ARHGAP10: variants seen among roughly 807,000 people sequenced by gnomAD.
ARHGAP10 encodes rho GTPase-activating protein 10.
ARHGAP10 carries 87 observed loss-of-function variants against 108.6 expected under a neutral mutation model. That is an observed-to-expected ratio of 0.80 (90% confidence interval 0.67 to 0.96). ARHGAP10 has a LOEUF of 0.96. Among genes scored for constraint, ARHGAP10 ranks in the 40% least tolerant of loss-of-function variants. ARHGAP10 has a pLI of 0.00. For missense variants in ARHGAP10, 939 were observed against 954.5 expected (o/e 0.98, Z 0.21); for synonymous variants, 347 against 341.1 (o/e 1.02, Z -0.19).
At position 147,955,290 on chromosome 4, in the gene ARHGAP10, A is replaced by G. The variant is rs531726386; in HGVS notation, c.1392-26A>G. 26 of 1,582,898 alleles carry G rather than the reference A, an allele frequency of 1.6e-5. No individual in the cohort carries two copies. In the Admixed American group the frequency reaches 1.6e-4, roughly 10 times the overall value. ...AGTGACTTGTTTGGATTTATTTGAT[A>G]ATTCTGAGCTGTTCTTTTCACACAG... is the stretch of plus-strand genomic sequence containing the variant. On this transcript the variant is annotated intron_variant, in intron 15 of 22. Transcript: ENST00000336498.
chr4:147,946,872 G>A (rs1024572167), intron 15 of ARHGAP10, among the ~76,000 whole-genome samples, 168 bp downstream of exon 15: 1 of 152,184 alleles, frequency 6.6e-6, no homozygotes, highest in Non-Finnish European at 1.5e-5. Flanking sequence ...ACTAGTAGAT[G>A]CACATCAGTA....
chr4:147,837,650 T>TTTTTTTTTGTTTTTTTG (rs1733229862), intron 3 of ARHGAP10, among the ~76,000 whole-genome samples: 1 of 112,006 alleles, frequency 8.9e-6, no homozygotes, highest in Non-Finnish European at 1.8e-5. Flanking sequence ...ACTGTTTTTT[T>TTTTTTTTTGTTTTTTTG]TTTTTTTTTT....
chr4:147,753,547 T>G (rs1729249996), intron 1 of ARHGAP10, among the ~76,000 whole-genome samples: 2 of 150,100 alleles, frequency 1.3e-5, no homozygotes, highest in South Asian at 4.2e-4. Context: ...GGAGATGGAG[T>G]TTCACCATGT....
chr4:147,767,998 G>A (rs1254318097), intron 1 of ARHGAP10, among the ~76,000 whole-genome samples: 11 of 152,360 alleles, frequency 7.2e-5, no homozygotes, highest in Admixed American at 2.6e-4. Flanking sequence ...CACCCATGGT[G>A]CAGTATAAGT....
intron 3 of ARHGAP10, among the ~76,000 whole-genome samples, chr4:147,828,633 C>T (rs866828414): frequency 1.3e-5 from 2 of 152,122 alleles, no homozygotes; most frequent in Non-Finnish European, 1.5e-5. Context: ...GAAGGATGAG[C>T]CTTAGCTATG....
chr4:148,013,545 G>A (rs1046620979), intron 18 of ARHGAP10, among the ~76,000 whole-genome samples: 2 of 152,022 alleles, frequency 1.3e-5, no homozygotes, highest in Non-Finnish European at 2.9e-5. Context: ...AAAATTAGCC[G>A]GGCATGGTGG....
intron 14 of ARHGAP10, among the ~76,000 whole-genome samples, chr4:147,943,644 A>T (rs1197365613): frequency 6.6e-6 from 1 of 152,206 alleles, no homozygotes; most frequent in East Asian, 1.9e-4. Flanking sequence ...GTTAGTTTAG[A>T]TTTTTAACAA....
At chr4:148,046,672 C>A (rs1159375849) in intron 19 of ARHGAP10, among the ~76,000 whole-genome samples, 1 of 151,898 alleles carries the variant, frequency 6.6e-6, no homozygotes, top group Non-Finnish European at 1.5e-5. Context: ...ATTGTGTTTT[C>A]TTGTAAGGAA....
chr4:147,871,608 G>A (rs138489394), intron 7 of ARHGAP10, among the ~76,000 whole-genome samples: 13 of 152,244 alleles, frequency 8.5e-5, no homozygotes, highest in East Asian at 7.7e-4. Context: ...GTGTCCTACC[G>A]TATAGATTAT....
chr4:147,960,257 G>A (rs1241377712), intron 16 of ARHGAP10, among the ~76,000 whole-genome samples: 2 of 151,910 alleles, frequency 1.3e-5, no homozygotes, highest in Non-Finnish European at 2.9e-5. Context: ...GATATAATAT[G>A]ATTTGGTTGT....
chr4:148,047,079 T>G, intron 20 of ARHGAP10, 28 bp downstream of exon 20: 1 of 1,611,190 alleles, frequency 6.2e-7, no homozygotes, highest in Non-Finnish European at 8.5e-7. Context: ...TGTTGGGTGC[T>G]GAAGGGTGGA....
chr4:147,941,398 A>T (rs1738159828), intron 14 of ARHGAP10, among the ~76,000 whole-genome samples: 1 of 152,182 alleles, frequency 6.6e-6, no homozygotes, highest in South Asian at 2.1e-4. Context: ...TGCTCTGCTC[A>T]TGGGAAATGT....
chr4:147,955,433 A>G, intron 16 of ARHGAP10, 59 bp downstream of exon 16: 2 of 1,424,244 alleles, frequency 1.4e-6, no homozygotes, highest in South Asian at 1.2e-5. Flanking sequence ...AGCATAAACG[A>G]AAAATTTCCA....
chr4:148,029,349 G>T (rs140111269), intron 19 of ARHGAP10, among the ~76,000 whole-genome samples: 3 of 152,140 alleles, frequency 2.0e-5, no homozygotes, highest in Admixed American at 6.6e-5. Context: ...TCACATTCAC[G>T]GCAGCGGTGC....
intron 14 of ARHGAP10, among the ~76,000 whole-genome samples, chr4:147,943,295 A>G (rs1418486652): frequency 6.6e-6 from 1 of 152,262 alleles, no homozygotes; most frequent in Admixed American, 6.5e-5. Flanking sequence ...ATTTTCACAC[A>G]TAAAACCACA....
intron 20 of ARHGAP10, among the ~76,000 whole-genome samples, chr4:148,056,546 C>T (rs1352452852): frequency 1.3e-5 from 2 of 152,004 alleles, no homozygotes; most frequent in Non-Finnish European, 2.9e-5. Context: ...CCCCTCTTCA[C>T]TTCCCGCCCC....
At chr4:147,795,216 G>T (rs534180237) in intron 1 of ARHGAP10, among the ~76,000 whole-genome samples, 4 of 152,302 alleles carry the variant, frequency 2.6e-5, no homozygotes, top group South Asian at 2.1e-4. Flanking sequence ...CTGCAGCGCT[G>T]GGATTACAGG....
At chr4:147,875,172 G>T (rs1191264310) in intron 8 of ARHGAP10, 22 bp downstream of exon 8, 3 of 1,535,108 alleles carry the variant, frequency 2.0e-6, no homozygotes, top group African/African-American at 1.4e-5. Context: ...TCCAGCAGTG[G>T]CTGCGTGGCT....
At chr4:147,892,154 A>C (rs778015613) in intron 10 of ARHGAP10, among the ~76,000 whole-genome samples, 16 of 152,084 alleles carry the variant, frequency 1.1e-4, no homozygotes, top group Non-Finnish European at 1.2e-4. Flanking sequence ...TGACTTGTAG[A>C]ATTCACTTAT....
Sources: allele counts gnomAD v4.1 joint callset (sites outside exome capture counted in the v4.1 genomes callset), GRCh38; gene constraint gnomAD v4.1.1; transcripts MANE v1.5; gene names NCBI Gene and HGNC (gene_info 2026-07-23, HGNC 2026-07-21).